Variants in MUSK observed in about 807,000 individuals in gnomAD.
MUSK encodes the protein muscle associated receptor tyrosine kinase.
Under a neutral mutation model 88.7 loss-of-function variants are expected in MUSK, and 55 were observed. The observed-to-expected ratio is 0.62, with a 90% confidence interval of 0.50 to 0.78. The LOEUF (loss-of-function observed/expected upper bound fraction) is 0.78, where lower values mean the gene tolerates loss of function less well. Ranked by LOEUF, MUSK falls within the 30% of genes least tolerant of loss-of-function variation. The pLI is 0.00. For synonymous variants in MUSK, 387 were observed against 391.9 expected (o/e 0.99, Z 0.15); for missense variants, 1,015 against 1,074.3 (o/e 0.94, Z 0.77).
At chr9:110,749,967 G>A (rs1258912822) in intron 7 of MUSK, among the ~76,000 whole-genome samples, 1 of 152,004 alleles carries the variant, frequency 6.6e-6, no homozygotes, top group East Asian at 1.9e-4. Flanking sequence ...CACTGTCTTT[G>A]TATTATTTGA....
chr9:110,701,698 TA>T (rs2076512375), intron 5 of MUSK, among the ~76,000 whole-genome samples: 1 of 114 alleles, frequency 8.8e-3, no homozygotes, highest in Non-Finnish European at 0.012. Context: ...TACTTTATTT[TA>T]TTTTATTTTA....
At chr9:110,737,488 GT>G (rs1207289062) in intron 6 of MUSK, among the ~76,000 whole-genome samples, 10 of 151,518 alleles carry the variant, frequency 6.6e-5, no homozygotes, top group African/African-American at 2.4e-4. Context: ...TAATTGTGTT[GT>G]TTCAATTTTC....
Position 110,801,182 on chromosome 9 carries a change from G to T in MUSK, c.*194G>T, listed in dbSNP as rs1174508705. On this transcript the variant is annotated 3_prime_UTR_variant, in exon 15 of 15. Coordinates refer to ENST00000374448, the MANE Select transcript of MUSK (RefSeq NM_005592.4). ...GTAGACGGACCCATTGAAAGCCAGTGATTGGAAACACAGGCTAGGAAATGT... is the reference window on the plus strand; with the variant it reads ...GTAGACGGACCCATTGAAAGCCAGTTATTGGAAACACAGGCTAGGAAATGT... 2.4e-5 allele frequency: 11 copies of T among 461,894 alleles called. No individual in the cohort carries two copies. The East Asian group carries it at 3.4e-4, about 14-fold the overall frequency. 28.6% of individuals were successfully genotyped at this position (461,894 alleles called of 1,614,324 possible).
chr9:110,776,787 C>T, intron 11 of MUSK, 132 bp downstream of exon 11: 1 of 733,474 alleles, frequency 1.4e-6, no homozygotes, highest in Non-Finnish European at 2.2e-6. Context: ...TCACCATACT[C>T]ATCCAGGGTA....
At chr9:110,688,852 T>C (rs1322515969) in intron 3 of MUSK, among the ~76,000 whole-genome samples, 5 of 151,354 alleles carry the variant, frequency 3.3e-5, no homozygotes, top group South Asian at 2.1e-4. Context: ...ATTTTCTTTA[T>C]CCAGTCCATC....
chr9:110,672,833 A>G (rs2075977240), intron 1 of MUSK, among the ~76,000 whole-genome samples: 1 of 152,190 alleles, frequency 6.6e-6, no homozygotes, highest in South Asian at 2.1e-4. Context: ...GTCAATAGTC[A>G]TATGCGAGAG....
At chr9:110,690,000 AT>A (rs1564218827) in intron 3 of MUSK, among the ~76,000 whole-genome samples, 2 of 88,784 alleles carry the variant, frequency 2.3e-5, no homozygotes, top group African/African-American at 5.0e-5. Context: ...ATTATATATT[AT>A]ATATTATAAA....
At chr9:110,748,300 A>G (rs925921921) in intron 7 of MUSK, among the ~76,000 whole-genome samples, 4 of 150,918 alleles carry the variant, frequency 2.7e-5, no homozygotes, top group Non-Finnish European at 5.9e-5. Flanking sequence ...CAAGTCTCTC[A>G]TGGAGAAAGT....
At chr9:110,711,413 A>G (rs2076669748) in intron 5 of MUSK, among the ~76,000 whole-genome samples, 1 of 152,178 alleles carries the variant, frequency 6.6e-6, no homozygotes, top group African/African-American at 2.4e-5. Flanking sequence ...TCTCTGAGGA[A>G]AACTGACCTG....
At chr9:110,731,918 A>C (rs1187630634) in intron 5 of MUSK, among the ~76,000 whole-genome samples, 2 of 150,122 alleles carry the variant, frequency 1.3e-5, no homozygotes, top group African/African-American at 4.9e-5. Flanking sequence ...AAAGAAAAAA[A>C]ACTGCTATAA....
At chr9:110,748,134 TTTCC>T (rs1423576215) in intron 7 of MUSK, 1 of 403,864 alleles carries the variant, frequency 2.5e-6, no homozygotes, top group African/African-American at 2.1e-5. Flanking sequence ...CGCTCCCTTT[TTTCC>T]TTCCTTCTTT....
At chr9:110,712,724 C>T (rs1337952554) in intron 5 of MUSK, among the ~76,000 whole-genome samples, 1 of 152,188 alleles carries the variant, frequency 6.6e-6, no homozygotes, top group African/African-American at 2.4e-5. Context: ...GAAAGCTTAT[C>T]TGCAAATAGT....
intron 5 of MUSK, among the ~76,000 whole-genome samples, chr9:110,722,279 C>T (rs1391635114): frequency 2.0e-5 from 3 of 152,090 alleles, no homozygotes; most frequent in Non-Finnish European, 2.9e-5. Flanking sequence ...CCTGTAATCC[C>T]TGCACTTTGG....
chr9:110,753,459 A>G (rs2494308), intron 7 of MUSK, among the ~76,000 whole-genome samples: 28 of 118,702 alleles, frequency 2.4e-4, no homozygotes, highest in East Asian at 8.8e-4. Context: ...AAAAAAAAAA[A>G]AGAGAGAGAG....
chr9:110,786,349 C>A (rs1032568673), intron 13 of MUSK, among the ~76,000 whole-genome samples: 5 of 149,530 alleles, frequency 3.3e-5, no homozygotes, highest in Admixed American at 2.7e-4. Context: ...CTAGTTAATT[C>A]TTTACATCAT....
chr9:110,750,428 C>T (rs1046327029), intron 7 of MUSK, among the ~76,000 whole-genome samples: 2 of 152,006 alleles, frequency 1.3e-5, no homozygotes, highest in African/African-American at 4.8e-5. Flanking sequence ...TGGTTAGGGC[C>T]CAGGGGACCT....
chr9:110,709,828 G>A (rs1231322464), intron 5 of MUSK, among the ~76,000 whole-genome samples: 1 of 152,076 alleles, frequency 6.6e-6, no homozygotes, highest in Non-Finnish European at 1.5e-5. Context: ...AAGTCATATA[G>A]TTCAATTCCT....
intron 7 of MUSK, among the ~76,000 whole-genome samples, chr9:110,755,391 A>G (rs2077297697): frequency 6.6e-6 from 1 of 152,226 alleles, no homozygotes; most frequent in African/African-American, 2.4e-5. Flanking sequence ...AAGAGAGGTA[A>G]CAAAGACCTG....
chr9:110,689,622 T>A (rs1306334537), intron 3 of MUSK, among the ~76,000 whole-genome samples: 1 of 79,362 alleles, frequency 1.3e-5, no homozygotes, highest in Non-Finnish European at 2.3e-5. Context: ...TTAGTATATA[T>A]ATTATATATT....
Sources: gnomAD v4.1 joint callset for allele counts (sites outside exome capture counted in the v4.1 genomes callset) on GRCh38, gnomAD v4.1.1 for gene constraint, MANE v1.5 for transcripts, NCBI Gene and HGNC (gene_info 2026-07-23, HGNC 2026-07-21) for gene names.